Variants in PSD3 observed in about 807,000 individuals in gnomAD.
The protein encoded by PSD3 is PH and SEC7 domain-containing protein 3.
A neutral mutation model predicts 105.5 loss-of-function variants in PSD3; 49 were observed. The observed-to-expected ratio is 0.46, with a 90% confidence interval of 0.37 to 0.59. The LOEUF is 0.59. PSD3 is among the 20% of genes least tolerant of loss of function. The pLI is 0.00. For missense variants in PSD3, 1,561 were observed against 1,263.8 expected (o/e 1.24, Z -3.57); for synonymous variants, 557 against 457.8 (o/e 1.22, Z -2.77).
chr8:18,996,772 G>A (rs921612969), intron 1 of PSD3, among the ~76,000 whole-genome samples: 6 of 151,650 alleles, frequency 4.0e-5, no homozygotes, highest in South Asian at 2.1e-4. Flanking sequence ...TGATGTTTCC[G>A]TTTCTCTACT....
intron 1 of PSD3, among the ~76,000 whole-genome samples, chr8:18,981,224 G>A (rs1163620153): frequency 6.6e-6 from 1 of 152,152 alleles, no homozygotes; most frequent in Non-Finnish European, 1.5e-5. Context: ...TGAATGAACA[G>A]ATGAATGAAA....
chr8:18,821,756 C>G (rs1372554685), intron 4 of PSD3, among the ~76,000 whole-genome samples: 2 of 136,406 alleles, frequency 1.5e-5, no homozygotes, highest in African/African-American at 2.7e-5. Context: ...GGCTCTTAAA[C>G]TTCTATACCC....
intron 9 of PSD3, among the ~76,000 whole-genome samples, chr8:18,718,885 A>G (rs1240444175): frequency 6.6e-6 from 1 of 152,198 alleles, no homozygotes; most frequent in Non-Finnish European, 1.5e-5. Context: ...TGGGGAGAGC[A>G]GAGTTCAGCA....
intron 2 of PSD3, among the ~76,000 whole-genome samples, chr8:18,894,455 G>A (rs867357347): frequency 1.6e-4 from 25 of 152,206 alleles, no homozygotes; most frequent in African/African-American, 5.1e-4. Flanking sequence ...TCACAGTTCC[G>A]TTGTGTGAGA....
At chr8:18,583,096 G>A (rs574907732) in intron 12 of PSD3, among the ~76,000 whole-genome samples, 1 of 152,164 alleles carries the variant, frequency 6.6e-6, no homozygotes, top group Admixed American at 6.5e-5. Flanking sequence ...AAAGTGTTGG[G>A]ATTACAGGCG....
chr8:18,737,635 C>T (rs951378119), intron 9 of PSD3, among the ~76,000 whole-genome samples: 1 of 152,086 alleles, frequency 6.6e-6, no homozygotes, highest in Non-Finnish European at 1.5e-5. Flanking sequence ...CTCAAAAGGT[C>T]TATGGCTTTA....
chr8:18,916,337 TATATATATATATACAC>T (rs1820595766), intron 2 of PSD3, among the ~76,000 whole-genome samples: 1 of 44,084 alleles, frequency 2.3e-5, no homozygotes, highest in East Asian at 3.8e-4. Flanking sequence ...TATATATATA[TATATATATATATACAC>T]ACACACACAC....
intron 2 of PSD3, among the ~76,000 whole-genome samples, chr8:18,890,896 AG>A (rs1818745106): frequency 6.6e-6 from 1 of 152,214 alleles, no homozygotes; most frequent in South Asian, 2.1e-4. Flanking sequence ...CCTGTCTTCC[AG>A]GGACCAAGCA....
chr8:18,615,682 A>G (rs1385863823), intron 11 of PSD3, among the ~76,000 whole-genome samples: 1 of 152,156 alleles, frequency 6.6e-6, no homozygotes, highest in Non-Finnish European at 1.5e-5. Context: ...CATACCTTTT[A>G]AGAGCAGGGT....
intron 2 of PSD3, among the ~76,000 whole-genome samples, chr8:18,888,271 C>G (rs1307522357): frequency 6.6e-6 from 1 of 152,178 alleles, no homozygotes; most frequent in African/African-American, 2.4e-5. Flanking sequence ...GAAACAGAAG[C>G]TCAGTGCCGA....
At chr8:18,729,910 G>A (rs778138691) in intron 9 of PSD3, among the ~76,000 whole-genome samples, 1 of 152,054 alleles carries the variant, frequency 6.6e-6, no homozygotes, top group Non-Finnish European at 1.5e-5. Flanking sequence ...TTTCTACCCA[G>A]TAAAAACTCT....
At chr8:19,026,495 C>A (rs922073597) in intron 1 of PSD3, among the ~76,000 whole-genome samples, 1 of 151,972 alleles carries the variant, frequency 6.6e-6, no homozygotes, top group Non-Finnish European at 1.5e-5. Context: ...ACAGAGACAA[C>A]ACTTTATTTA....
chr8:18,610,475 A>G lies in PSD3; in HGVS notation c.2411-10041T>C, dbSNP rs562570066. Among the ~76,000 whole-genome samples the G allele has an allele frequency of 1.2e-3, 189 of 152,258 alleles. 2 individuals carry two copies. Among genetic ancestry groups the G allele is most frequent in the African/African-American group, 4.1e-3 (169 of 41,562 alleles). The stretch of plus-strand genomic sequence containing the variant: ...GTATGTCACTTCCCTTTGTTTGTCT[A>G]TAAATTTGTTCTGACCACGAGGCAT... On this transcript the variant is annotated intron_variant, in intron 11 of 15. Transcript: ENST00000327040.
At chr8:18,828,970 G>T (rs1312174706) in intron 4 of PSD3, among the ~76,000 whole-genome samples, 2 of 152,188 alleles carry the variant, frequency 1.3e-5, no homozygotes, top group African/African-American at 4.8e-5. Flanking sequence ...TTACTAAGAG[G>T]CTGAGGTGGG....
At chr8:18,928,042 T>C (rs1821486724) in intron 2 of PSD3, among the ~76,000 whole-genome samples, 1 of 152,166 alleles carries the variant, frequency 6.6e-6, no homozygotes, top group Non-Finnish European at 1.5e-5. Context: ...CAAAAACTTG[T>C]ACAACAGTTC....
At chr8:19,065,945 T>C (rs941794082) in intron 1 of PSD3, among the ~76,000 whole-genome samples, 3 of 152,172 alleles carry the variant, frequency 2.0e-5, no homozygotes, top group Non-Finnish European at 4.4e-5. Context: ...TGAATCAACT[T>C]GTTAGCATAC....
chr8:18,962,177 C>T (rs1328410241), intron 1 of PSD3, among the ~76,000 whole-genome samples: 3 of 151,504 alleles, frequency 2.0e-5, no homozygotes, highest in Admixed American at 6.6e-5. Context: ...ATCTGGGAGG[C>T]GGAGGTTGCA....
intron 1 of PSD3, among the ~76,000 whole-genome samples, chr8:19,077,351 AT>A (rs1829491746): frequency 6.6e-6 from 1 of 152,172 alleles, no homozygotes; most frequent in Non-Finnish European, 1.5e-5. Flanking sequence ...CATCCTGAAA[AT>A]TTAAAGTTAA....
intron 9 of PSD3, among the ~76,000 whole-genome samples, chr8:18,700,809 A>G (rs1009718129): frequency 9.9e-5 from 15 of 152,146 alleles, no homozygotes; most frequent in African/African-American, 3.4e-4. Context: ...TAAGATTCAC[A>G]ACATTTGAGT....
Sources: allele counts gnomAD v4.1 joint callset (sites outside exome capture counted in the v4.1 genomes callset), GRCh38; gene constraint gnomAD v4.1.1; transcripts MANE v1.5; gene names NCBI Gene and HGNC (gene_info 2026-07-23, HGNC 2026-07-21).